BET1: variants seen among roughly 807,000 people sequenced by gnomAD.
BET1 encodes the protein BET1 homolog.
BET1 carries 9 observed loss-of-function variants against 13.9 expected under a neutral mutation model. That is an observed-to-expected ratio of 0.65 (90% CI 0.39 to 1.13). The LOEUF (loss-of-function observed/expected upper bound fraction) is 1.13, where lower values mean the gene tolerates loss of function less well. Among genes scored for constraint, BET1 ranks in the 50% most tolerant of loss-of-function variants. The pLI, the probability that BET1 is intolerant of heterozygous loss-of-function variation, is 0.01. For synonymous variants in BET1, 39 were observed against 47.3 expected (o/e 0.82, Z 0.72); for missense variants, 127 against 133.6 (o/e 0.95, Z 0.24).
At chr7:93,987,100 A>AG (rs1795541244) in intron 4 of BET1, 1 of 152,132 alleles carries the variant, frequency 6.6e-6, no homozygotes, top group South Asian at 2.1e-4. Flanking sequence ...GAAAAAAAAA[A>AG]AAGGGTTTTT....
At chr7:93,991,822 CATTATTT>C (rs1179399179), downstream of BET1, 1 of 965,248 alleles carries the variant, frequency 1.0e-6, no homozygotes, top group African/African-American at 1.8e-5. Flanking sequence ...AGAATGATGA[CATTATTT>C]ATTATTTATT....
intron 2 of BET1, 27 bp from the exon 3 acceptor site, chr7:93,996,348 T>A: frequency 2.0e-6 from 3 of 1,463,742 alleles, no homozygotes; most frequent in Non-Finnish European, 2.8e-6. Context: ...ATACACAGGA[T>A]TACTCACATA....
chr7:93,976,529 C>G (rs891221860), intron 4 of BET1, among the ~76,000 whole-genome samples: 3 of 152,094 alleles, frequency 2.0e-5, no homozygotes, highest in Non-Finnish European at 2.9e-5. Context: ...GGCAGGATCT[C>G]TGAACAATAG....
chr7:93,983,486 C>T lies in BET1; in HGVS notation c.236-7386G>A, dbSNP rs77848065. On this transcript the variant is annotated intron_variant and NMD_transcript_variant, in intron 4 of 6. Transcript: ENST00000357520. ...TTCCTCTGTGTTTAAGGACACATAACATGTTTTCTGCATCAATGGTTAAGT... is the reference window on the plus strand; with the variant it reads ...TTCCTCTGTGTTTAAGGACACATAATATGTTTTCTGCATCAATGGTTAAGT... 7.0e-3 allele frequency among the ~76,000 whole-genome samples: 1,061 copies of T among 152,188 alleles called. 12 individuals carry two copies. Among genetic ancestry groups the T allele is most frequent in the African/African-American group, 0.024 (1,010 of 41,520 alleles).
At position 94,004,355 on chromosome 7, in the gene BET1, T is replaced by A; in HGVS notation, c.-139A>T. 2 of 1,197,956 alleles carry A rather than the reference T, an allele frequency of 1.7e-6. No individual in the cohort carries two copies. Among genetic ancestry groups the A allele is most frequent in the South Asian group, 1.3e-5 (1 of 78,588 alleles). The allele number at this position is 1,197,956 out of a possible 1,614,324, so 74.2% of individuals were successfully genotyped here. On this transcript the variant is annotated 5_prime_UTR_variant, in exon 1 of 4. Coordinates refer to ENST00000222547, the MANE Select transcript of BET1 (RefSeq NM_005868.6). ...TTCCCCTAAAGCGCCACGACATCAG[T>A]GGAGTCTAAACACCGCGCCGGATGA...
chr7:93,972,944 TTA>T (rs1795281444), intron 5 of BET1, among the ~76,000 whole-genome samples: 1 of 151,790 alleles, frequency 6.6e-6, no homozygotes, highest in East Asian at 1.9e-4. Context: ...CAAGACAGCC[TTA>T]TCTTCTGCAT....
At chr7:93,987,209 C>T (rs1464724814) in intron 4 of BET1, 1 of 151,938 alleles carries the variant, frequency 6.6e-6, no homozygotes, top group Non-Finnish European at 1.5e-5. Flanking sequence ...ACCTCTCATG[C>T]CTTGAAATTG....
downstream of BET1, chr7:93,991,611 T>C (rs1041531810): frequency 5.9e-6 from 1 of 169,378 alleles, no homozygotes; most frequent in African/African-American, 2.4e-5. Flanking sequence ...CCTATGAGTA[T>C]ATTTCTATAT....
rs1795839132 is a variant in BET1, at chr7:93,999,197, C to G, written c.117G>C (p.Leu39=). Residue 39 remains leucine (L), a synonymous_variant, in exon 2 of 4, where the codon CTG becomes CTC. Transcript: ENST00000222547. ...EEENERLTES[L]RSKVTAIKSL... ...ATTTTATAGCAGTTACTTTGCTTCTCAGACTTTCAGTGAGCCTCTCATTTT... is the reference window on the plus strand; with the variant it reads ...ATTTTATAGCAGTTACTTTGCTTCTGAGACTTTCAGTGAGCCTCTCATTTT... 1.2e-6 allele frequency: 2 copies of G among 1,612,744 alleles called. No homozygotes were observed. Among genetic ancestry groups the G allele is most frequent in the Admixed American group, 1.7e-5 (1 of 59,946 alleles).
Position 93,993,396 on chromosome 7 carries a change from A to G in BET1, c.*834T>C. The G allele has an allele frequency of 1.0e-6, 1 of 981,388 alleles. No homozygotes were observed. The highest frequency in any genetic ancestry group is 1.2e-6 in the Non-Finnish European group (1 of 825,846). The allele number at this position is 981,388 out of a possible 1,614,324, so 60.8% of individuals were successfully genotyped here. The stretch of plus-strand genomic sequence containing the variant: ...TTTCCATAAACAAATACACTGGATT[A>G]AAGCAATAATACTCTTATCTTCAAG... On this transcript the variant is annotated 3_prime_UTR_variant, in exon 4 of 4. Coordinates refer to ENST00000222547, the MANE Select transcript of BET1 (RefSeq NM_005868.6).
chr7:93,976,665 A>T (rs907538492), intron 4 of BET1, among the ~76,000 whole-genome samples: 60 of 152,220 alleles, frequency 3.9e-4, no homozygotes, highest in African/African-American at 1.4e-3. Flanking sequence ...ATAAAAGAGT[A>T]CTTATTATTA....
chr7:93,975,996 G>T, exon 5 of BET1: 2 of 1,280,056 alleles, frequency 1.6e-6, no homozygotes, highest in Non-Finnish European at 2.0e-6. Context: ...CTGAAAGTAA[G>T]CCTCCTTCTT....
chr7:94,002,350 GA>G (rs1399936877), intron 1 of BET1, among the ~76,000 whole-genome samples: 3 of 144,298 alleles, frequency 2.1e-5, no homozygotes, highest in African/African-American at 7.8e-5. Flanking sequence ...AAAAAGAAAA[GA>G]AAAAATGTGT....
exon 7 of BET1, chr7:93,965,252 G>A (rs1045079396): frequency 6.6e-6 from 1 of 152,114 alleles, no homozygotes; most frequent in Non-Finnish European, 1.5e-5. Flanking sequence ...TAGAAAGAGT[G>A]TAGTGCTAAT....
In BET1 at chr7:93,999,218, A is replaced by G. The variant is rs1795839645; in HGVS notation, c.96T>C (p.Asn32=). Residue 32 remains asparagine, a synonymous_variant, in exon 2 of 4, where the codon AAT becomes AAC. Transcript: ENST00000222547. ...NSGYSACEEE[N]ERLTESLRSK... is the part of the protein sequence containing the mutation. ...TTCTCAGACTTTCAGTGAGCCTCTC[A>G]TTTTCTTCTTCACAGGCACTATACC... 2 of 1,613,354 alleles carry G rather than the reference A, an allele frequency of 1.2e-6. No individual in the cohort carries two copies. The highest frequency in any genetic ancestry group is 1.3e-5 in the African/African-American group (1 of 75,002).
intron 6 of BET1, among the ~76,000 whole-genome samples, chr7:93,967,102 A>C (rs1795185761): frequency 6.6e-6 from 1 of 151,840 alleles, no homozygotes; most frequent in African/African-American, 2.4e-5. Context: ...TCTGTTTGTT[A>C]CTTCTCAGTA....
intron 6 of BET1, among the ~76,000 whole-genome samples, chr7:93,967,526 T>A (rs537489326): frequency 6.6e-6 from 1 of 151,944 alleles, no homozygotes; most frequent in Non-Finnish European, 1.5e-5. Context: ...ACATTTAGAA[T>A]ATGTAAATGA....
At chr7:93,966,460 C>T (rs1001939599) in intron 6 of BET1, among the ~76,000 whole-genome samples, 4 of 151,948 alleles carry the variant, frequency 2.6e-5, no homozygotes, top group Non-Finnish European at 4.4e-5. Flanking sequence ...GCTCTCTTTA[C>T]TTGCAGGGGG....
rs557063954 is a variant in BET1, at chr7:94,004,091, GT to G, written c.19+106del. On this transcript the variant is annotated intron_variant, in intron 1 of 3. Coordinates refer to ENST00000222547, the MANE Select transcript of BET1 (RefSeq NM_005868.6). ...CCCAAAGATCCCCTCTAGACATCCT[GT>G]TTTTTGGACCAAATGCCAGGAACAT... is the stretch of plus-strand genomic sequence containing the variant. 4.2e-4 allele frequency: 642 copies of G among 1,540,206 alleles called. 4 individuals are homozygous for G. In the East Asian group the frequency reaches 9.1e-3, roughly 22 times the overall value.
Sources: allele counts gnomAD v4.1 joint callset (sites outside exome capture counted in the v4.1 genomes callset), GRCh38; gene constraint gnomAD v4.1.1; transcripts MANE v1.5; gene names NCBI Gene and HGNC (gene_info 2026-07-23, HGNC 2026-07-21).